Variants in GDPD5 observed in about 807,000 individuals in gnomAD.
GDPD5 encodes glycerophosphodiester phosphodiesterase domain containing 5, also known as glycerophosphodiester phosphodiesterase 2.
GDPD5 carries 48 observed loss-of-function variants against 75.1 expected under a neutral mutation model. The observed-to-expected ratio is 0.64, with a 90% confidence interval of 0.51 to 0.81. The LOEUF is 0.81. Ranked by LOEUF, GDPD5 falls within the 40% of genes least tolerant of loss-of-function variation. GDPD5 has a pLI of 0.00. For missense variants in GDPD5, 706 were observed against 822.6 expected, an observed-to-expected ratio of 0.86 and a Z score of 1.73; for synonymous variants, 336 against 339.0, an observed-to-expected ratio of 0.99 and a Z score of 0.10.
chr11:75,485,061 A>C (rs1949996080), intron 2 of GDPD5, among the ~76,000 whole-genome samples: 1 of 152,368 alleles, frequency 6.6e-6, no homozygotes, highest in African/African-American at 2.4e-5. Context: ...GACCTTGAAA[A>C]CATATTGCTA....
At chr11:75,462,245 C>A (rs1255711034) in intron 4 of GDPD5, among the ~76,000 whole-genome samples, 1 of 152,196 alleles carries the variant, frequency 6.6e-6, no homozygotes. Flanking sequence ...GGTCACAGCA[C>A]CGGGAAGGAA....
intron 3 of GDPD5, among the ~76,000 whole-genome samples, chr11:75,476,602 G>C (rs1024104487): frequency 3.3e-5 from 5 of 152,168 alleles, no homozygotes; most frequent in Non-Finnish European, 7.4e-5. Context: ...CTGTGGCCTT[G>C]GGCAGGCCCT....
At chr11:75,481,766 C>T (rs1949924877) in intron 2 of GDPD5, among the ~76,000 whole-genome samples, 1 of 152,048 alleles carries the variant, frequency 6.6e-6, no homozygotes, top group Non-Finnish European at 1.5e-5. Context: ...TCAGCCACTA[C>T]ATCTGCCCCC....
intron 3 of GDPD5, among the ~76,000 whole-genome samples, chr11:75,474,311 G>C (rs1259134124): frequency 2.0e-5 from 3 of 152,232 alleles, no homozygotes; most frequent in Non-Finnish European, 4.4e-5. Flanking sequence ...AGAGAAGCTG[G>C]TTTTGACACT....
chr11:75,509,344 G>A lies in GDPD5; in HGVS notation c.-145+15866C>T, dbSNP rs374318546. ...ACACAGACAGGGCTGCAGACACACAGTTCTGGCCTGTGTGTGCGACTTGTA... is the reference window on the plus strand; with the variant it reads ...ACACAGACAGGGCTGCAGACACACAATTCTGGCCTGTGTGTGCGACTTGTA... On this transcript the variant is annotated intron_variant, in intron 1 of 16. Transcript: ENST00000336898. Among the ~76,000 whole-genome samples, 9 of 152,336 alleles carry A rather than the reference G, an allele frequency of 5.9e-5. 1 individual carries two copies. Among genetic ancestry groups the A allele is most frequent in the Admixed American group, 5.2e-4 (8 of 15,304 alleles).
intron 15 of GDPD5, chr11:75,439,195 AG>A: frequency 2.6e-6 from 1 of 381,560 alleles, no homozygotes; most frequent in South Asian, 1.9e-5. Flanking sequence ...TGCGGGGGTA[AG>A]GGAGGCTTCA....
At chr11:75,441,399 A>T in intron 13 of GDPD5, 89 bp from the exon 14 acceptor site, 1 of 1,509,908 alleles carries the variant, frequency 6.6e-7, no homozygotes, top group Admixed American at 1.8e-5. Context: ...CCTGTTCACG[A>T]CCTCACAGCC....
intron 3 of GDPD5, 64 bp from the exon 4 acceptor site, chr11:75,462,953 C>G (rs1169224575): frequency 7.6e-7 from 1 of 1,311,630 alleles, no homozygotes; most frequent in Non-Finnish European, 1.1e-6. Flanking sequence ...CTGCCTCCCA[C>G]CAGAATGTGT....
At chr11:75,440,874 T>C (rs554287262) in intron 14 of GDPD5, among the ~76,000 whole-genome samples, 3 of 152,294 alleles carry the variant, frequency 2.0e-5, no homozygotes, top group Non-Finnish European at 2.9e-5. Flanking sequence ...CCTATTCCTG[T>C]CCTTGTTACC....
intron 1 of GDPD5, among the ~76,000 whole-genome samples, chr11:75,499,820 C>G (rs772206151): frequency 2.0e-5 from 3 of 152,164 alleles, no homozygotes; most frequent in Non-Finnish European, 4.4e-5. Context: ...GCAGTGTCTA[C>G]GAAACAGCTT....
intron 1 of GDPD5, among the ~76,000 whole-genome samples, chr11:75,512,783 C>T (rs552527070): frequency 1.2e-4 from 18 of 152,120 alleles, no homozygotes; most frequent in Non-Finnish European, 1.9e-4. Flanking sequence ...GGCGTGGTGG[C>T]GGGCACCTGT....
chr11:75,500,469 T>A (rs1433943513), intron 1 of GDPD5, among the ~76,000 whole-genome samples: 1 of 152,156 alleles, frequency 6.6e-6, no homozygotes, highest in Non-Finnish European at 1.5e-5. Flanking sequence ...TGTCCCCCTT[T>A]CTGGCCCCAC....
intron 1 of GDPD5, among the ~76,000 whole-genome samples, chr11:75,495,632 C>T (rs930957705): frequency 6.6e-6 from 1 of 152,016 alleles, no homozygotes; most frequent in Non-Finnish European, 1.5e-5. Flanking sequence ...ACACAATGTA[C>T]GTATTTCAAT....
rs1948790692 is a variant in GDPD5 at position 75,441,230 on chromosome 11, C to G, written c.1406G>C (p.Gly469Ala). 2 of 1,614,068 alleles carry G rather than the reference C, an allele frequency of 1.2e-6. No individual in the cohort carries two copies. Among genetic ancestry groups the G allele is most frequent in the Non-Finnish European group, 1.7e-6 (2 of 1,179,968 alleles). The change falls in exon 14 of 17, where the codon GGG (glycine) becomes GCG (alanine). Residue 469 changes from glycine (G) to alanine (A), a missense_variant. Coordinates refer to ENST00000336898, the MANE Select transcript of GDPD5 (RefSeq NM_030792.8). ...GTTGTCAGAGGTGACGGATGGGACC[C>G]CCGCACACCACAGCAGGGAGAAGAG... The part of the protein sequence containing the change: ...PWLFSLLWCA[G>A]VPSVTSDNSH...
chr11:75,472,470 C>T (rs1252425586), intron 3 of GDPD5, among the ~76,000 whole-genome samples: 1 of 152,128 alleles, frequency 6.6e-6, no homozygotes, highest in African/African-American at 2.4e-5. Flanking sequence ...CCCTCTTGTG[C>T]ACTGGCAGAG....
intron 1 of GDPD5, among the ~76,000 whole-genome samples, chr11:75,520,491 C>T (rs1313714098): frequency 6.6e-6 from 1 of 152,032 alleles, no homozygotes; most frequent in Non-Finnish European, 1.5e-5. Flanking sequence ...GGGGAGGATT[C>T]GGTGGGGGCA....
chr11:75,440,273 C>T (rs1438650306), intron 14 of GDPD5, among the ~76,000 whole-genome samples: 1 of 152,124 alleles, frequency 6.6e-6, no homozygotes, highest in Non-Finnish European at 1.5e-5. Flanking sequence ...AAAGCAGGAG[C>T]CAGATACTGA....
intron 3 of GDPD5, among the ~76,000 whole-genome samples, chr11:75,474,137 T>C (rs1392734975): frequency 6.6e-6 from 1 of 152,210 alleles, no homozygotes. Context: ...CCCCTTGGCC[T>C]GAATAACTCC....
At chr11:75,477,203 C>T (rs907148199) in intron 3 of GDPD5, among the ~76,000 whole-genome samples, 1 of 152,260 alleles carries the variant, frequency 6.6e-6, no homozygotes, top group East Asian at 1.9e-4. Flanking sequence ...GACTGAGCCC[C>T]GGTGCCAGAC....
Sources: gnomAD v4.1 joint callset for allele counts (sites outside exome capture counted in the v4.1 genomes callset) on GRCh38, gnomAD v4.1.1 for gene constraint, MANE v1.5 for transcripts, NCBI Gene and HGNC (gene_info 2026-07-23, HGNC 2026-07-21) for gene names.